Variants in PRKCA observed in about 807,000 individuals in gnomAD.
The protein encoded by PRKCA is protein kinase C alpha.
PRKCA carries 27 observed loss-of-function variants against 87.0 expected under a neutral mutation model. That is an observed-to-expected ratio of 0.31 (90% CI 0.23 to 0.43). The LOEUF (loss-of-function observed/expected upper bound fraction) is 0.43, where lower values mean the gene tolerates loss of function less well. Among genes scored for constraint, PRKCA ranks in the 20% least tolerant of loss-of-function variants. The probability of loss-of-function intolerance (pLI) is 1.00; values close to 1 mark genes in which losing one functional copy is unlikely to be tolerated. For synonymous variants in PRKCA, 329 were observed against 311.1 expected (o/e 1.06, Z -0.61); for missense variants, 518 against 852.3 (o/e 0.61, Z 4.88).
rs368159524 is a variant in PRKCA at position 66,730,008 on chromosome 17, G to A, written c.919-2680G>A. ...GGGTTTCACCATGTTGGCCAGGCTC[G>A]TCTTGAATTCCTGACCTGGTGATCC... On this transcript the variant is annotated intron_variant, in intron 8 of 16. Coordinates refer to ENST00000413366, the MANE Select transcript of PRKCA (RefSeq NM_002737.3). Among the ~76,000 whole-genome samples the A allele has an allele frequency of 3.4e-4, 51 of 152,166 alleles. No homozygotes were observed. The South Asian group carries it at 7.3e-3, about 22-fold the overall frequency.
At chr17:66,759,059 T>G (rs1476990393) in intron 13 of PRKCA, among the ~76,000 whole-genome samples, 1 of 152,122 alleles carries the variant, frequency 6.6e-6, no homozygotes, top group Non-Finnish European at 1.5e-5. Flanking sequence ...CAGTGTTATT[T>G]GAAAGTAGAC....
intron 16 of PRKCA, among the ~76,000 whole-genome samples, chr17:66,797,102 G>A (rs1017368900): frequency 6.6e-6 from 1 of 152,156 alleles, no homozygotes; most frequent in Non-Finnish European, 1.5e-5. Flanking sequence ...TAAAGGGCAG[G>A]GGTGAGACCA....
At chr17:66,692,656 G>C (rs191282179) in intron 8 of PRKCA, among the ~76,000 whole-genome samples, 1 of 152,096 alleles carries the variant, frequency 6.6e-6, no homozygotes, top group Admixed American at 6.6e-5. Flanking sequence ...CCTCCTTTTC[G>C]GTCTGTAGCA....
intron 2 of PRKCA, among the ~76,000 whole-genome samples, chr17:66,334,951 C>A (rs1906566947): frequency 6.6e-6 from 1 of 152,118 alleles, no homozygotes; most frequent in African/African-American, 2.4e-5. Flanking sequence ...ATACATGCTG[C>A]AATATGGATG....
intron 1 of PRKCA, among the ~76,000 whole-genome samples, chr17:66,303,914 C>T (rs1330437595): frequency 1.3e-5 from 2 of 152,128 alleles, no homozygotes; most frequent in Non-Finnish European, 2.9e-5. Context: ...ACGGGAGACT[C>T]GCTTGAACCC....
Position 66,587,865 on chromosome 17 carries a change from ATGTATG to A in PRKCA, c.289-53486_289-53481del, listed in dbSNP as rs1336260940. The stretch of plus-strand genomic sequence containing the variant: ...TGTATCTACATATACATATATACAT[ATGTATG>A]TGTGTGTGTGTGTGTGTGTGTGTGT... On this transcript the variant is annotated intron_variant, in intron 3 of 16. Transcript: ENST00000413366. Among the ~76,000 whole-genome samples, 11 of 56,544 alleles carry A rather than the reference ATGTATG, an allele frequency of 1.9e-4. 3 individuals are homozygous for A. The highest frequency in any genetic ancestry group is 3.5e-4 in the Non-Finnish European group (9 of 25,726). 37.1% of individuals were successfully genotyped at this position (56,544 alleles called of 152,430 possible). A position where few individuals can be genotyped will look rare whatever the true frequency, so the allele number is the denominator to read the frequency against.
chr17:66,541,007 A>G (rs1416480906), intron 3 of PRKCA, among the ~76,000 whole-genome samples: 2 of 152,182 alleles, frequency 1.3e-5, no homozygotes, highest in Non-Finnish European at 2.9e-5. Context: ...CAGAGGTAGG[A>G]AGTGGCTGTT....
chr17:66,383,965 G>A (rs1909909032), intron 2 of PRKCA, among the ~76,000 whole-genome samples: 1 of 151,692 alleles, frequency 6.6e-6, no homozygotes, highest in Non-Finnish European at 1.5e-5. Flanking sequence ...AAAAAAAATT[G>A]TTTTTGATGA....
chr17:66,627,950 T>C (rs561882971), intron 3 of PRKCA, among the ~76,000 whole-genome samples: 2 of 152,316 alleles, frequency 1.3e-5, no homozygotes, highest in South Asian at 4.2e-4. Context: ...CAGCTATCAA[T>C]TTGTGGAGGC....
intron 2 of PRKCA, among the ~76,000 whole-genome samples, chr17:66,365,660 T>G (rs1908671353): frequency 6.6e-6 from 1 of 152,212 alleles, no homozygotes; most frequent in South Asian, 2.1e-4. Context: ...AATAAATATT[T>G]CTTAAAATGA....
intron 8 of PRKCA, among the ~76,000 whole-genome samples, chr17:66,715,212 T>C (rs1973444244): frequency 6.6e-6 from 1 of 151,898 alleles, no homozygotes. Flanking sequence ...GAGGGAAGGC[T>C]CTGGAACCTT....
rs117063761 is a variant in PRKCA, at chr17:66,630,562, A to G, written c.289-10793A>G. On this transcript the variant is annotated intron_variant, in intron 3 of 16. Coordinates refer to ENST00000413366, the MANE Select transcript of PRKCA (RefSeq NM_002737.3). ...GCTTTTCCTTTCCTCTGCCATGAGA[A>G]TGGCATGTCCCAAATAGCAGCTGTT... Among the ~76,000 whole-genome samples the G allele has an allele frequency of 3.1e-3, 478 of 152,318 alleles. 2 individuals carry two copies. Among genetic ancestry groups the G allele is most frequent in the Non-Finnish European group, 5.5e-3 (375 of 68,032 alleles).
chr17:66,475,711 T>A (rs1185477578), intron 2 of PRKCA, among the ~76,000 whole-genome samples: 1 of 152,104 alleles, frequency 6.6e-6, no homozygotes, highest in Non-Finnish European at 1.5e-5. Context: ...CAGAAGGTCT[T>A]CTTGATACCT....
intron 3 of PRKCA, among the ~76,000 whole-genome samples, chr17:66,592,748 T>G (rs980389757): frequency 2.0e-5 from 3 of 152,232 alleles, no homozygotes; most frequent in Non-Finnish European, 4.4e-5. Flanking sequence ...TGTGATTTGT[T>G]TTCTAAATTG....
chr17:66,746,624 C>T (rs1034944572), intron 13 of PRKCA, among the ~76,000 whole-genome samples: 1 of 152,068 alleles, frequency 6.6e-6, no homozygotes, highest in African/African-American at 2.4e-5. Context: ...ACCTTGAAAT[C>T]GATTAATACC....
Position 66,359,239 on chromosome 17 carries a change from C to A in PRKCA, c.205+53112C>A, listed in dbSNP as rs141731016. Among the ~76,000 whole-genome samples, 381 of 152,234 alleles carry A rather than the reference C, an allele frequency of 2.5e-3. 1 individual carries two copies. The highest frequency in any genetic ancestry group is 7.9e-3 in the African/African-American group (328 of 41,556). ...TCAATAAAGATCTTCTCAGAAAATT[C>A]TTGAGTGGCACCAACTTTTGTCACT... On this transcript the variant is annotated intron_variant, in intron 2 of 16. Coordinates refer to ENST00000413366, the MANE Select transcript of PRKCA (RefSeq NM_002737.3).
chr17:66,356,311 T>A (rs965009997), intron 2 of PRKCA, among the ~76,000 whole-genome samples: 3 of 152,170 alleles, frequency 2.0e-5, no homozygotes, highest in African/African-American at 7.2e-5. Flanking sequence ...TCATCCACTT[T>A]TTTAAAAGAC....
chr17:66,500,128 T>A (rs1916665700), intron 3 of PRKCA, among the ~76,000 whole-genome samples: 1 of 152,048 alleles, frequency 6.6e-6, no homozygotes, highest in Non-Finnish European at 1.5e-5. Flanking sequence ...GTCATGTGAG[T>A]ACACAGCAAA....
intron 2 of PRKCA, among the ~76,000 whole-genome samples, chr17:66,344,381 C>T (rs972378051): frequency 2.6e-5 from 4 of 152,140 alleles, no homozygotes; most frequent in African/African-American, 4.8e-5. Flanking sequence ...CTGTGCCGGG[C>T]GCTGTGGCTC....
Sources: allele counts gnomAD v4.1 joint callset (sites outside exome capture counted in the v4.1 genomes callset), GRCh38; gene constraint gnomAD v4.1.1; transcripts MANE v1.5; gene names NCBI Gene and HGNC (gene_info 2026-07-23, HGNC 2026-07-21).